NAV2: variants seen among roughly 807,000 people sequenced by gnomAD.
NAV2 encodes the protein neuron navigator 2.
In NAV2, 54 loss-of-function variants were observed where a neutral mutation model predicts 223.2. The ratio of observed to expected loss-of-function variants is 0.24; its 90% CI spans 0.19 to 0.30. The LOEUF is 0.30. Ranked by LOEUF, NAV2 falls within the 10% of genes least tolerant of loss-of-function variation. The pLI is 1.00. For missense variants in NAV2, 2,806 were observed against 3,147.5 expected (o/e 0.89, Z 2.60); for synonymous variants, 1,279 against 1,239.3 (o/e 1.03, Z -0.67).
intron 2 of NAV2, 108 bp from the exon 3 acceptor site, chr11:19,842,763 A>C: frequency 3.2e-6 from 3 of 950,390 alleles, no homozygotes; most frequent in Non-Finnish European, 5.0e-6. Flanking sequence ...CTGATTGGAC[A>C]AACCCTGGTA....
At chr11:19,464,092 G>A (rs1413216159) in intron 1 of NAV2, among the ~76,000 whole-genome samples, 1 of 152,162 alleles carries the variant, frequency 6.6e-6, no homozygotes. Flanking sequence ...TATTTCATAC[G>A]GTAGTAATCC....
intron 12 of NAV2, among the ~76,000 whole-genome samples, chr11:20,041,031 ATGTGCGC>A (rs1026416533): frequency 6.6e-6 from 1 of 152,150 alleles, no homozygotes; most frequent in African/African-American, 2.4e-5. Context: ...GGCCAGGGGC[ATGTGCGC>A]TGTCTCTGCC....
intron 1 of NAV2, among the ~76,000 whole-genome samples, chr11:19,493,210 A>G (rs567134142): frequency 2.0e-3 from 262 of 130,386 alleles, no homozygotes; most frequent in African/African-American, 7.5e-3. Context: ...CCCTCCCCCC[A>G]TTATCCTTCT....
chr11:19,794,202 G>A (rs897062110), intron 1 of NAV2, among the ~76,000 whole-genome samples: 4 of 152,138 alleles, frequency 2.6e-5, no homozygotes, highest in South Asian at 2.1e-4. Flanking sequence ...ACTTGAGCAG[G>A]GTCCTCTGAA....
chr11:19,915,540 C>A (rs1490298320), intron 6 of NAV2, among the ~76,000 whole-genome samples: 1 of 152,224 alleles, frequency 6.6e-6, no homozygotes, highest in Non-Finnish European at 1.5e-5. Flanking sequence ...TCGGCCTCTG[C>A]CACTGCAGCT....
chr11:19,592,456 T>C (rs1311996258), intron 1 of NAV2, among the ~76,000 whole-genome samples: 6 of 152,120 alleles, frequency 3.9e-5, no homozygotes, highest in Admixed American at 3.9e-4. Flanking sequence ...TAGATCAGTA[T>C]GTGACATTCC....
At chr11:19,831,489 T>C (rs568432554) in intron 1 of NAV2, among the ~76,000 whole-genome samples, 50 of 152,202 alleles carry the variant, frequency 3.3e-4, no homozygotes, top group Non-Finnish European at 7.1e-4. Flanking sequence ...CAATCATTTG[T>C]TCCTATCCAT....
chr11:19,733,770 A>G (rs1263420583), intron 1 of NAV2, among the ~76,000 whole-genome samples: 1 of 152,132 alleles, frequency 6.6e-6, no homozygotes, highest in Admixed American at 6.5e-5. Context: ...AGGACATGGA[A>G]AAGGATGAAG....
At chr11:19,710,071 C>T (rs1183876999), upstream of NAV2, among the ~76,000 whole-genome samples, 4 of 152,152 alleles carry the variant, frequency 2.6e-5, no homozygotes, top group African/African-American at 9.7e-5. Context: ...GGTCTCAGAA[C>T]CCCGAAATGA....
chr11:20,118,129 C>T lies in NAV2; in HGVS notation c.7165-4C>T. 1 of 1,605,974 alleles carries T rather than the reference C, an allele frequency of 6.2e-7. No individual in the cohort carries two copies. The highest frequency in any genetic ancestry group is 8.5e-7 in the Non-Finnish European group (1 of 1,175,054). ...CAGCTCATGCTTCTCCACTCTTCCC[C>T]TAGATGAACATGCTGATGAGGCTGC... On this transcript the variant is annotated splice_region_variant and splice_polypyrimidine_tract_variant and intron_variant, in intron 37 of 37. Coordinates refer to ENST00000349880, the MANE Select transcript of NAV2 (RefSeq NM_145117.5).
At chr11:20,115,936 G>T (rs534913769) in intron 37 of NAV2, among the ~76,000 whole-genome samples, 6 of 152,110 alleles carry the variant, frequency 3.9e-5, no homozygotes, top group African/African-American at 1.2e-4. Context: ...AAACACCCGG[G>T]CCAATAACAG....
chr11:19,897,293 T>A (rs1157396302), intron 6 of NAV2, among the ~76,000 whole-genome samples: 1 of 152,150 alleles, frequency 6.6e-6, no homozygotes, highest in African/African-American at 2.4e-5. Context: ...AATGACGAGT[T>A]ACTGGGTTCA....
At chr11:19,935,479 T>A (rs2045764281) in intron 7 of NAV2, among the ~76,000 whole-genome samples, 3 of 152,220 alleles carry the variant, frequency 2.0e-5, no homozygotes, top group Admixed American at 1.3e-4. Flanking sequence ...CATAGGTGCA[T>A]GCCCAGACTT....
In NAV2 at chr11:19,933,541, C is replaced by G. The variant is rs749534530; in HGVS notation, c.1297C>G (p.Leu433Val). 5.6e-6 allele frequency: 9 copies of G among 1,609,442 alleles called. No homozygotes were observed. The South Asian group carries it at 9.9e-5, about 18-fold the overall frequency. ...RDTSCERLET[L>V]PSFEESEELE... Reference sequence around the variant, plus strand: ...CACAAGCTGTGAGCGGCTGGAGACTCTGCCCAGCTTCGAAGAGAGCGAGGA... The same window carrying G: ...CACAAGCTGTGAGCGGCTGGAGACTGTGCCCAGCTTCGAAGAGAGCGAGGA... Residue 433 changes from leucine to valine, a missense_variant, in exon 7 of 38, where the codon CTG (leucine) becomes GTG (valine). This residue lies in a region of NAV2 where 1,167 missense variants were observed against 1,180.5 expected (regional missense o/e 0.99). Coordinates refer to ENST00000349880, the MANE Select transcript of NAV2 (RefSeq NM_145117.5). This position sits in a 1 kb window ranked among gnomAD's most constrained non-coding sequence, Gnocchi z 4.3.
In NAV2 at chr11:19,369,349, T is replaced by C. The variant is rs1412365769; in HGVS notation, c.75+18322T>C. Among the ~76,000 whole-genome samples the C allele has an allele frequency of 2.0e-5, 3 of 152,344 alleles. No homozygotes were observed. In the South Asian group the frequency reaches 6.2e-4, roughly 32 times the overall value. The stretch of plus-strand genomic sequence containing the variant: ...GCAACTTAATGAAAGCTTTTATTGA[T>C]GATTCAGATTAATAATCTAAAAACC... On this transcript the variant is annotated intron_variant, in intron 1 of 37. Transcript: ENST00000360655.
intron 1 of NAV2, among the ~76,000 whole-genome samples, chr11:19,605,406 T>A (rs2046449842): frequency 6.6e-6 from 1 of 152,150 alleles, no homozygotes; most frequent in Non-Finnish European, 1.5e-5. Context: ...TAAGTGTATT[T>A]ACCGTTTCCT....
chr11:19,925,580 C>T (rs189903932), intron 6 of NAV2, among the ~76,000 whole-genome samples: 6 of 152,176 alleles, frequency 3.9e-5, no homozygotes, highest in Non-Finnish European at 8.8e-5. Context: ...GAAACCCTGT[C>T]TCTACTAAAA....
chr11:19,989,054 C>T (rs1363259318), intron 11 of NAV2, among the ~76,000 whole-genome samples: 1 of 151,950 alleles, frequency 6.6e-6, no homozygotes, highest in Admixed American at 6.6e-5. Context: ...GCAGCAAAAA[C>T]GGGAAGAGAC....
At chr11:19,462,913 AGGTGG>A (rs1852215836) in intron 1 of NAV2, among the ~76,000 whole-genome samples, 1 of 152,246 alleles carries the variant, frequency 6.6e-6, no homozygotes, top group Non-Finnish European at 1.5e-5. Flanking sequence ...CTCTGTTTCC[AGGTGG>A]GCCTCTACAG....
Sources: gnomAD v4.1 joint callset for allele counts (sites outside exome capture counted in the v4.1 genomes callset) on GRCh38, gnomAD v4.1.1 for gene constraint, gnomAD v4.1.1 regional missense constraint, Gnocchi (gnomAD v3.1) non-coding constraint, MANE v1.5 for transcripts, NCBI Gene and HGNC (gene_info 2026-07-23, HGNC 2026-07-21) for gene names.